Variants in ST7L observed in about 807,000 individuals in gnomAD.
ST7L encodes the protein suppression of tumorigenicity 7 like.
In ST7L, 57 loss-of-function variants were observed where a neutral mutation model predicts 72.5. That is an observed-to-expected ratio of 0.79 (90% CI 0.64 to 0.98). The LOEUF (loss-of-function observed/expected upper bound fraction) is 0.98, where lower values mean the gene tolerates loss of function less well. Among genes scored for constraint, ST7L ranks in the 50% least tolerant of loss-of-function variants. ST7L has a pLI of 0.00. For synonymous variants in ST7L, 221 were observed against 240.9 expected (o/e 0.92, Z 0.77); for missense variants, 576 against 672.2 (o/e 0.86, Z 1.58).
upstream of ST7L, chr1:112,619,289 T>A: frequency 1.6e-6 from 1 of 633,146 alleles, no homozygotes; most frequent in Non-Finnish European, 2.7e-6. Context: ...TGGGGCTACC[T>A]GTTCTTTCGT....
intron 3 of ST7L, among the ~76,000 whole-genome samples, chr1:112,603,359 A>ATTT (rs1378175395): frequency 6.6e-6 from 1 of 152,236 alleles, no homozygotes; most frequent in Non-Finnish European, 1.5e-5. Context: ...ATACCAATAG[A>ATTT]TTTTCACATA....
intron 3 of ST7L, among the ~76,000 whole-genome samples, chr1:112,605,164 G>A (rs990786585): frequency 6.6e-6 from 1 of 151,412 alleles, no homozygotes; most frequent in Admixed American, 6.6e-5. Context: ...GACCAAGGCG[G>A]GTGGATCAAG....
chr1:112,565,211 ATTTTTTTTTT>A (rs777969643), intron 11 of ST7L, among the ~76,000 whole-genome samples: 30 of 57,948 alleles, frequency 5.2e-4, no homozygotes, highest in South Asian at 1.7e-3. Context: ...TGTTCGGCTA[ATTTTTTTTTT>A]TTTTTTTTTT....
Position 112,563,075 on chromosome 1 carries a change from A to G in ST7L, c.1246-7057T>C, listed in dbSNP as rs571227013. Among the ~76,000 whole-genome samples, 6 of 150,710 alleles carry G rather than the reference A, an allele frequency of 4.0e-5. 1 individual carries two copies. In the East Asian group the frequency reaches 1.2e-3, roughly 29 times the overall value. ...AAAAGTCTGAAGAGTCTGAATTTTT[A>G]AAAAGTACCTATTACTTTTGTTATA... On this transcript the variant is annotated intron_variant, in intron 11 of 14. Transcript: ENST00000358039.
At chr1:112,618,341 C>T (rs1670268078) in intron 1 of ST7L, 2 of 889,680 alleles carry the variant, frequency 2.2e-6, no homozygotes, top group South Asian at 8.7e-5. Context: ...GCTCTCACTT[C>T]CTGTACTATT....
At chr1:112,536,594 C>T (rs1655249911) in intron 14 of ST7L, among the ~76,000 whole-genome samples, 1 of 151,908 alleles carries the variant, frequency 6.6e-6, no homozygotes, top group South Asian at 2.1e-4. Context: ...TAAAGAAACC[C>T]CAGTGAGACA....
intron 10 of ST7L, 43 bp from the exon 11 acceptor site, chr1:112,577,131 A>G (rs752837238): frequency 2.2e-6 from 3 of 1,351,168 alleles, no homozygotes; most frequent in Non-Finnish European, 3.1e-6. Flanking sequence ...ATGCTAAAAA[A>G]AAGAAAAAAA....
chr1:112,582,886 T>A (rs1664340478), intron 7 of ST7L, among the ~76,000 whole-genome samples: 1 of 152,156 alleles, frequency 6.6e-6, no homozygotes, highest in African/African-American at 2.4e-5. Context: ...TCTATTGTTT[T>A]AAATGAAAAA....
chr1:112,616,529 G>A (rs575892740), intron 2 of ST7L, among the ~76,000 whole-genome samples: 3 of 152,190 alleles, frequency 2.0e-5, no homozygotes, highest in Non-Finnish European at 4.4e-5. Context: ...GATCACCTGA[G>A]GTCAGGAGTT....
intron 6 of ST7L, among the ~76,000 whole-genome samples, chr1:112,590,157 T>G (rs540790646): frequency 6.6e-6 from 1 of 152,330 alleles, no homozygotes; most frequent in African/African-American, 2.4e-5. Flanking sequence ...GCAAGCCCTT[T>G]GAGCTAGTCC....
Position 112,568,861 on chromosome 1 carries a change from A to AATATAAATAAATAAATAT in ST7L, c.1245+8124_1245+8125insATATTTATTTATTTATAT, listed in dbSNP as rs61349207. Among the ~76,000 whole-genome samples, 4 of 114,918 alleles carry AATATAAATAAATAAATAT rather than the reference A, an allele frequency of 3.5e-5. No individual in the cohort carries two copies. The South Asian group carries it at 8.1e-4, about 23-fold the overall frequency. The allele number at this position is 114,918 out of a possible 152,430, so 75.4% of individuals were successfully genotyped here. On this transcript the variant is annotated intron_variant, in intron 11 of 14. Coordinates refer to ENST00000358039, the MANE Select transcript of ST7L (RefSeq NM_017744.5). Reference sequence around the variant, plus strand: ...CCTGTTTTTTATAAATATAAATATAAATATATATATATATATATATATATA... The same window carrying AATATAAATAAATAAATAT: ...CCTGTTTTTTATAAATATAAATATAAATATAAATAAATAAATATATATATATATATATATATATATATA...
At chr1:112,531,735 C>T (rs1316362090) in intron 14 of ST7L, among the ~76,000 whole-genome samples, 1 of 152,174 alleles carries the variant, frequency 6.6e-6, no homozygotes, top group African/African-American at 2.4e-5. Flanking sequence ...TTTTATACTT[C>T]ACAGGTACCC....
rs557586178 is a variant in ST7L, at chr1:112,555,382, G to A, written c.1396+486C>T. 7.2e-5 allele frequency among the ~76,000 whole-genome samples: 11 copies of A among 152,040 alleles called. No individual in the cohort carries two copies. In the South Asian group the frequency reaches 1.2e-3, roughly 17 times the overall value. On this transcript the variant is annotated intron_variant, in intron 12 of 14. Coordinates refer to ENST00000358039, the MANE Select transcript of ST7L (RefSeq NM_017744.5). ...AGATCGAGACCATCCTGGCTAACACGAGGAAACCCCATCTCTACTAAATAT... is the reference window on the plus strand; with the variant it reads ...AGATCGAGACCATCCTGGCTAACACAAGGAAACCCCATCTCTACTAAATAT...
chr1:112,583,593 A>G (rs1431613980), intron 7 of ST7L, among the ~76,000 whole-genome samples: 1 of 152,210 alleles, frequency 6.6e-6, no homozygotes, highest in Non-Finnish European at 1.5e-5. Flanking sequence ...ATGTACCTCT[A>G]CTGTTGCTTA....
rs115279168 is a variant in ST7L at position 112,567,936 on chromosome 1, T to A, written c.1245+9050A>T. On this transcript the variant is annotated intron_variant, in intron 11 of 14. Transcript: ENST00000358039. Reference sequence around the variant, plus strand: ...TATTACAGCAAGCCATTGTTAGATCTTAAAGTTGGGCGATATTATTCTAAC... The same window carrying A: ...TATTACAGCAAGCCATTGTTAGATCATAAAGTTGGGCGATATTATTCTAAC... Among the ~76,000 whole-genome samples, 327 of 152,324 alleles carry A rather than the reference T, an allele frequency of 2.1e-3. 2 individuals are homozygous for A. The highest frequency in any genetic ancestry group is 6.7e-3 in the African/African-American group (280 of 41,574).
intron 11 of ST7L, among the ~76,000 whole-genome samples, chr1:112,563,692 T>C (rs928746001): frequency 6.6e-6 from 1 of 152,180 alleles, no homozygotes; most frequent in African/African-American, 2.4e-5. Flanking sequence ...TAAGGCTCCT[T>C]TGGAAGCTAT....
At chr1:112,595,491 G>A (rs1666351029) in intron 5 of ST7L, among the ~76,000 whole-genome samples, 4 of 151,090 alleles carry the variant, frequency 2.6e-5, no homozygotes, top group Admixed American at 2.6e-4. Context: ...TGCCATCATA[G>A]CTCACTGCAG....
At position 112,619,028 on chromosome 1, in the gene ST7L, C is replaced by A. The variant is rs758800140; in HGVS notation, c.86G>T (p.Trp29Leu). 4 of 1,613,980 alleles carry A rather than the reference C, an allele frequency of 2.5e-6. No individual in the cohort carries two copies. The South Asian group carries it at 3.3e-5, about 13-fold the overall frequency. ...SVPGLNPTLG[W>L]RERLRAGLAG... ...CAGCCCGGCCCGCAGTCGCTCCCTCCAGCCTAGCGTCGGGTTTAGGCCAGG... is the reference window on the plus strand; with the variant it reads ...CAGCCCGGCCCGCAGTCGCTCCCTCAAGCCTAGCGTCGGGTTTAGGCCAGG... Residue 29 changes from tryptophan to leucine, a missense_variant, in exon 1 of 15, where the codon TGG becomes TTG. This residue lies in a region of ST7L where 56 missense variants were observed against 45.8 expected (regional missense o/e 1.22). Coordinates refer to ENST00000358039, the MANE Select transcript of ST7L (RefSeq NM_017744.5).
intron 13 of ST7L, among the ~76,000 whole-genome samples, chr1:112,543,271 C>T (rs561446125): frequency 1.6e-4 from 24 of 152,284 alleles, no homozygotes; most frequent in African/African-American, 4.6e-4. Context: ...GTAGGTAAGA[C>T]GGGAGCAGTG....
Sources: allele counts gnomAD v4.1 joint callset (sites outside exome capture counted in the v4.1 genomes callset), GRCh38; gene constraint gnomAD v4.1.1; regional missense constraint gnomAD v4.1.1; transcripts MANE v1.5; gene names NCBI Gene and HGNC (gene_info 2026-07-23, HGNC 2026-07-21).